The following SAMSN1 variants were observed in gnomAD, a reference collection of about 807,000 sequenced individuals.
SAMSN1 encodes the protein SAM domain, SH3 domain and nuclear localization signals 1.
A neutral mutation model predicts 42.0 loss-of-function variants in SAMSN1; 31 were observed. The observed-to-expected ratio is 0.74, with a 90% CI of 0.55 to 1.00. The LOEUF (loss-of-function observed/expected upper bound fraction) is 1.00, where lower values mean the gene tolerates loss of function less well. Ranked by LOEUF, SAMSN1 falls within the 50% of genes least tolerant of loss-of-function variation. The probability of loss-of-function intolerance (pLI) is 0.00; values close to 1 mark genes in which losing one functional copy is unlikely to be tolerated. For synonymous variants in SAMSN1, 178 were observed against 151.9 expected (o/e 1.17, Z -1.26); for missense variants, 464 against 439.4 (o/e 1.06, Z -0.50).
At chr21:14,575,624 G>A (rs1981434605) in intron 2 of SAMSN1, among the ~76,000 whole-genome samples, 1 of 152,192 alleles carries the variant, frequency 6.6e-6, no homozygotes, top group Admixed American at 6.5e-5. Context: ...GAGGAATTAT[G>A]CATTGATAGT....
intron 2 of SAMSN1, among the ~76,000 whole-genome samples, chr21:14,565,310 T>G (rs1045729228): frequency 6.6e-6 from 1 of 151,708 alleles, no homozygotes; most frequent in Non-Finnish European, 1.5e-5. Context: ...AAAACATGTT[T>G]TGGTTTGTAT....
chr21:14,625,362 T>G (rs1983138559), intron 2 of SAMSN1, among the ~76,000 whole-genome samples: 1 of 152,174 alleles, frequency 6.6e-6, no homozygotes, highest in Non-Finnish European at 1.5e-5. Flanking sequence ...ATGACATGAT[T>G]GTATATTTAG....
At chr21:14,576,340 G>T (rs748058283) in intron 2 of SAMSN1, among the ~76,000 whole-genome samples, 1 of 152,114 alleles carries the variant, frequency 6.6e-6, no homozygotes, top group Non-Finnish European at 1.5e-5. Flanking sequence ...GAGACCGAGG[G>T]AGACTGCCAA....
intron 5 of SAMSN1, among the ~76,000 whole-genome samples, chr21:14,605,411 T>C (rs1484083948): frequency 2.0e-5 from 3 of 152,238 alleles, no homozygotes; most frequent in African/African-American, 7.2e-5. Flanking sequence ...TTCCCTCTGG[T>C]ATTCCTCATG....
At position 14,486,249 on chromosome 21, in the gene SAMSN1, A is replaced by ACAATGG. The variant is rs1186622798; in HGVS notation, c.920-136_920-135insCCATTG. The ACAATGG allele has an allele frequency of 6.3e-6, 4 of 637,926 alleles. No individual in the cohort carries two copies. In the Admixed American group the frequency reaches 1.1e-4, roughly 18 times the overall value. The allele number at this position is 637,926 out of a possible 1,614,324, so 39.5% of individuals were successfully genotyped here. On this transcript the variant is annotated intron_variant, in intron 7 of 7. Coordinates refer to ENST00000400566, the MANE Select transcript of SAMSN1 (RefSeq NM_022136.5). ...CATTACAATGGAAAGTTCTGCAAGT[A>ACAATGG]AAAGGTATCTTTGTTTATTACAAAA... is the stretch of plus-strand genomic sequence containing the variant.
intron 2 of SAMSN1, among the ~76,000 whole-genome samples, chr21:14,562,656 A>G (rs893327349): frequency 3.3e-5 from 5 of 151,982 alleles, no homozygotes; most frequent in African/African-American, 4.8e-5. Context: ...TGAATAAAGT[A>G]ATATTCCAGT....
At chr21:14,525,069 T>G (rs1978754738) in intron 1 of SAMSN1, among the ~76,000 whole-genome samples, 1 of 152,208 alleles carries the variant, frequency 6.6e-6, no homozygotes, top group Non-Finnish European at 1.5e-5. Flanking sequence ...GGGAAATTGT[T>G]CTGTATATGT....
chr21:14,503,485 C>T (rs561525409), intron 5 of SAMSN1, among the ~76,000 whole-genome samples: 12 of 152,052 alleles, frequency 7.9e-5, no homozygotes, highest in Non-Finnish European at 1.5e-4. Flanking sequence ...TCAGTTGAGC[C>T]CATAATTATG....
chr21:14,582,180 G>C, exon 2 of SAMSN1: 1 of 1,550,514 alleles, frequency 6.4e-7, no homozygotes, highest in Non-Finnish European at 8.7e-7. Flanking sequence ...GACTTGAGAC[G>C]TGTGTGGCGA....
At position 14,521,185 on chromosome 21, in the gene SAMSN1, T is replaced by G. The variant is rs779871921; in HGVS notation, c.94A>C (p.Asn32His). The G allele has an allele frequency of 4.2e-5, 68 of 1,611,448 alleles. No homozygotes were observed. In the African/African-American group the frequency reaches 8.7e-4, roughly 21 times the overall value. ...TCATCTGGTTTTGATAAAGAATTAT[T>G]CCGAAAACGATCGAAATTCCCAAAA... ...SSFGNFDRFR[N>H]NSLSKPDDST... The change falls in exon 2 of 8, where the codon AAT becomes CAT. Residue 32 changes from asparagine to histidine, a missense_variant. Asn to His is a moderately conservative substitution (Grantham distance 68). Coordinates refer to ENST00000400566, the MANE Select transcript of SAMSN1 (RefSeq NM_022136.5).
At chr21:14,562,698 T>C (rs1380432308) in intron 2 of SAMSN1, among the ~76,000 whole-genome samples, 1 of 152,050 alleles carries the variant, frequency 6.6e-6, no homozygotes, top group Non-Finnish European at 1.5e-5. Flanking sequence ...GAATTGTTTT[T>C]CTTGATCTTT....
Position 14,498,493 on chromosome 21 carries a change from C to G in SAMSN1, c.868G>C (p.Asp290His). The change falls in exon 7 of 8, where the codon GAT (aspartate) becomes CAT (histidine). Residue 290 changes from aspartate to histidine, a missense_variant. Asp to His is a moderately conservative substitution (Grantham distance 81). Transcript: ENST00000400566. ...HLIELNIENP[D>H]DRRRLLSAAE... ...GCTGATAGTAACCTTCTTCTGTCATCTGGGTTTTCAATATTTAATTCAATG... is the reference window on the plus strand; with the variant it reads ...GCTGATAGTAACCTTCTTCTGTCATGTGGGTTTTCAATATTTAATTCAATG... The G allele has an allele frequency of 6.2e-7, 1 of 1,611,962 alleles. No homozygotes were observed.
At chr21:14,626,600 T>G (rs563165856) in intron 2 of SAMSN1, among the ~76,000 whole-genome samples, 2 of 152,300 alleles carry the variant, frequency 1.3e-5, no homozygotes, top group South Asian at 2.1e-4. Context: ...CCAGTTAGAA[T>G]GGTGATCATT....
At chr21:14,588,891 G>C (rs539752964) in intron 7 of SAMSN1, among the ~76,000 whole-genome samples, 1 of 151,956 alleles carries the variant, frequency 6.6e-6, no homozygotes, top group African/African-American at 2.4e-5. Flanking sequence ...TTGTAATTTA[G>C]AGTCTTCTTT....
intron 2 of SAMSN1, among the ~76,000 whole-genome samples, chr21:14,640,921 G>A (rs988808666): frequency 1.3e-5 from 2 of 151,922 alleles, no homozygotes; most frequent in Non-Finnish European, 2.9e-5. Context: ...TATCATTCTC[G>A]TCTTCTTTTG....
intron 2 of SAMSN1, among the ~76,000 whole-genome samples, chr21:14,630,030 A>G (rs1458760112): frequency 6.6e-6 from 1 of 152,204 alleles, no homozygotes; most frequent in Admixed American, 6.5e-5. Context: ...TAATCTTCAT[A>G]GCCACAAATG....
intron 5 of SAMSN1, among the ~76,000 whole-genome samples, chr21:14,509,459 C>A (rs1232445663): frequency 6.6e-6 from 1 of 152,186 alleles, no homozygotes; most frequent in Admixed American, 6.5e-5. Context: ...GTGTATACTG[C>A]TTGGGTGATG....
chr21:14,566,165 C>A (rs1185514914), intron 2 of SAMSN1, among the ~76,000 whole-genome samples: 2 of 152,138 alleles, frequency 1.3e-5, no homozygotes, highest in Non-Finnish European at 2.9e-5. Flanking sequence ...TCAAAGGAGA[C>A]TTTTCTCCAC....
chr21:14,546,049 T>C (rs867777901), intron 1 of SAMSN1, among the ~76,000 whole-genome samples, 156 bp downstream of exon 1: 5 of 149,664 alleles, frequency 3.3e-5, no homozygotes, highest in African/African-American at 4.8e-5. Context: ...AATCTAACTT[T>C]GCAATTTAAT....
Sources: gnomAD v4.1 joint callset for allele counts (sites outside exome capture counted in the v4.1 genomes callset) on GRCh38, gnomAD v4.1.1 for gene constraint, MANE v1.5 for transcripts, NCBI Gene and HGNC (gene_info 2026-07-23, HGNC 2026-07-21) for gene names.